AKAP12: variants seen among roughly 807,000 people sequenced by gnomAD.
AKAP12 encodes A-kinase anchoring protein 12, also known as A-kinase anchor protein 12.
AKAP12 carries 32 observed loss-of-function variants against 79.9 expected under a neutral mutation model. The observed-to-expected ratio is 0.40, with a 90% CI of 0.30 to 0.54. The LOEUF (loss-of-function observed/expected upper bound fraction) is 0.54. AKAP12 is among the 20% of genes least tolerant of loss of function. The pLI is 0.48. For missense variants in AKAP12, 2,074 were observed against 2,177.0 expected, an observed-to-expected ratio of 0.95 and a Z score of 0.94; for synonymous variants, 808 against 857.0, an observed-to-expected ratio of 0.94 and a Z score of 1.00.
rs541786278 is a variant in AKAP12 at position 151,324,871 on chromosome 6, T to A, written c.319+18968T>A. On this transcript the variant is annotated intron_variant, in intron 3 of 4. Transcript: ENST00000402676. ...AGAAAGAATTGAAGTATTCTAGGGC[T>A]GCCTGAAATCTTCTGAACTTTTAAC... The A allele has an allele frequency of 2.2e-5, 22 of 985,486 alleles. No individual in the cohort carries two copies. The South Asian group carries it at 8.0e-4, about 36-fold the overall frequency. The allele number at this position is 985,486 out of a possible 1,614,324, so 61.0% of individuals were successfully genotyped here. A position where few individuals can be genotyped will look rare whatever the true frequency, so the allele number is the denominator to read the frequency against.
In AKAP12 at chr6:151,350,482, T is replaced by C. The variant is rs758223454; in HGVS notation, c.2091T>C (p.Ser697=). The C allele has an allele frequency of 9.3e-6, 15 of 1,614,096 alleles. No individual in the cohort carries two copies. The highest frequency in any genetic ancestry group is 1.3e-5 in the Non-Finnish European group (15 of 1,180,010). Residue 697 remains serine, a synonymous_variant, in exon 4 of 5, where the codon TCT becomes TCC. Transcript: ENST00000402676. This position sits in a 1 kb window ranked among gnomAD's most constrained non-coding sequence, Gnocchi z 4.8. Reference sequence around the variant, plus strand: ...AGAAAAGAGCAAGGAGAGGGTCCTCTTCTGATGAGGAAGGGGGACCAAAAG... The same window carrying C: ...AGAAAAGAGCAAGGAGAGGGTCCTCCTCTGATGAGGAAGGGGGACCAAAAG... ...SSKKRARRGS[S]SDEEGGPKAM...
chr6:151,283,224 A>T (rs190875735), intron 2 of AKAP12, among the ~76,000 whole-genome samples: 1 of 152,348 alleles, frequency 6.6e-6, no homozygotes, highest in Admixed American at 6.5e-5. Flanking sequence ...AGCTCTTAGG[A>T]TATTGCATTA....
intron 3 of AKAP12, among the ~76,000 whole-genome samples, chr6:151,307,325 C>T (rs1351806019): frequency 2.0e-5 from 3 of 152,178 alleles, no homozygotes; most frequent in Admixed American, 2.0e-4. Flanking sequence ...AACCACTGTG[C>T]TCTCACTGTG....
chr6:151,322,536 A>G (rs1197566137), intron 3 of AKAP12, among the ~76,000 whole-genome samples: 2 of 152,216 alleles, frequency 1.3e-5, no homozygotes, highest in African/African-American at 2.4e-5. Context: ...ATGATTGCCC[A>G]AATGTCCTGC....
intron 3 of AKAP12, chr6:151,343,961 T>C (rs764215227): frequency 8.8e-6 from 4 of 454,590 alleles, no homozygotes; most frequent in East Asian, 6.7e-5. Flanking sequence ...GAAGAGTGTA[T>C]ATATCTAAAA....
chr6:151,268,685 C>T (rs922994568), intron 2 of AKAP12, among the ~76,000 whole-genome samples: 16 of 152,134 alleles, frequency 1.1e-4, no homozygotes, highest in African/African-American at 3.9e-4. Context: ...CTGTGTCACC[C>T]ACACTGGAGT....
intron 3 of AKAP12, among the ~76,000 whole-genome samples, chr6:151,310,921 A>G (rs1387554540): frequency 1.3e-5 from 2 of 152,200 alleles, no homozygotes; most frequent in Non-Finnish European, 2.9e-5. Context: ...TTCACAGGTC[A>G]CATTTGTTTC....
intron 3 of AKAP12, among the ~76,000 whole-genome samples, chr6:151,339,689 T>G (rs1250593213): frequency 6.6e-6 from 1 of 152,126 alleles, no homozygotes; most frequent in Non-Finnish European, 1.5e-5. Context: ...ACCATTACAG[T>G]GTCATGCAAA....
intron 2 of AKAP12, among the ~76,000 whole-genome samples, chr6:151,258,270 GGCAAA>G (rs1226351819): frequency 1.3e-5 from 2 of 152,288 alleles, no homozygotes; most frequent in East Asian, 3.9e-4. Flanking sequence ...TTCTTCCTCT[GGCAAA>G]TACAAGTAAA....
intron 2 of AKAP12, among the ~76,000 whole-genome samples, chr6:151,284,747 C>T (rs1776467226): frequency 6.6e-6 from 1 of 152,194 alleles, no homozygotes; most frequent in Non-Finnish European, 1.5e-5. Context: ...TTTTCTGGTA[C>T]ACTTTCTCTT....
At chr6:151,284,779 C>T (rs1776468073) in intron 2 of AKAP12, among the ~76,000 whole-genome samples, 1 of 152,108 alleles carries the variant, frequency 6.6e-6, no homozygotes, top group Admixed American at 6.5e-5. Context: ...TGAAAGAGAC[C>T]CCTCCCTGTT....
At position 151,352,613 on chromosome 6, in the gene AKAP12, A is replaced by G. The variant is rs765896267; in HGVS notation, c.4222A>G (p.Thr1408Ala). Reference sequence around the variant, plus strand: ...CCTAGGTCAAGAGGAGGCAGTATGCACCAAAATTCAAGTTCAGAGCTCTGA... The same window carrying G: ...CCTAGGTCAAGAGGAGGCAGTATGCGCCAAAATTCAAGTTCAGAGCTCTGA... Reference protein sequence around the residue: ...PCLGQEEAVCTKIQVQSSEAS... With the variant: ...PCLGQEEAVCAKIQVQSSEAS... The change falls in exon 4 of 5, where the codon ACC becomes GCC. Residue 1408 changes from threonine to alanine, a missense_variant. Around this residue, in one of 3 missense-constraint regions of AKAP12, gnomAD observed 614 missense variants for 665.6 expected, o/e 0.92. Coordinates refer to ENST00000402676, the MANE Select transcript of AKAP12 (RefSeq NM_005100.4). The G allele has an allele frequency of 6.2e-7, 1 of 1,614,192 alleles. No homozygotes were observed. Among genetic ancestry groups the G allele is most frequent in the South Asian group, 1.1e-5 (1 of 91,076 alleles).
intron 2 of AKAP12, among the ~76,000 whole-genome samples, chr6:151,259,511 T>TACACACACACAC (rs373506742): frequency 4.0e-5 from 4 of 101,122 alleles, no homozygotes; most frequent in Admixed American, 1.2e-4. Flanking sequence ...TATATATATA[T>TACACACACACAC]ACACACACAC....
intron 3 of AKAP12, among the ~76,000 whole-genome samples, chr6:151,345,099 A>G (rs926453194): frequency 1.3e-5 from 2 of 151,358 alleles, no homozygotes; most frequent in African/African-American, 4.9e-5. Context: ...TGGGGGGGAC[A>G]GAGTCTTGCT....
chr6:151,267,887 A>C (rs1042210499), intron 2 of AKAP12, among the ~76,000 whole-genome samples: 2 of 152,178 alleles, frequency 1.3e-5, no homozygotes, highest in African/African-American at 4.8e-5. Flanking sequence ...CGGGAGACAG[A>C]CATCGTTCCT....
intron 3 of AKAP12, among the ~76,000 whole-genome samples, chr6:151,313,610 A>G (rs1324524923): frequency 2.0e-5 from 3 of 152,194 alleles, no homozygotes; most frequent in Admixed American, 1.3e-4. Flanking sequence ...AGCAGTCAAG[A>G]TGTTTTTCTC....
At position 151,349,766 on chromosome 6, in the gene AKAP12, C is replaced by A. The variant is rs771228267; in HGVS notation, c.1375C>A (p.Pro459Thr). ...EMDAEPQEAE[P>T]AKELVKLKET... ...GGATGCAGAACCTCAGGAAGCTGAACCTGCCAAGGAGCTGGTGAAGCTCAA... is the reference window on the plus strand; with the variant it reads ...GGATGCAGAACCTCAGGAAGCTGAAACTGCCAAGGAGCTGGTGAAGCTCAA... Residue 459 changes from proline to threonine, a missense_variant, in exon 4 of 5, where the codon CCT becomes ACT. Transcript: ENST00000402676. 4 of 1,614,076 alleles carry A rather than the reference C, an allele frequency of 2.5e-6. No homozygotes were observed. The highest frequency in any genetic ancestry group is 3.4e-6 in the Non-Finnish European group (4 of 1,180,000).
chr6:151,245,656 CAA>C (rs10700236), intron 2 of AKAP12, among the ~76,000 whole-genome samples: 4,762 of 98,986 alleles, frequency 0.048, 95 homozygotes, highest in Non-Finnish European at 0.061. Context: ...GACTCCGTCT[CAA>C]AAAAAAAAAA....
rs1778334771 is a variant in AKAP12 at position 151,352,849 on chromosome 6, G to A, written c.4458G>A (p.Val1486=). ...GPDCQAKSTP[V]IVSATTKKGL... is the part of the protein sequence containing the mutation. ...ACTGTCAGGCAAAATCGACACCAGT[G>A]ATAGTATCTGCTACTACCAAGAAAG... The change falls in exon 4 of 5, where the codon GTG becomes GTA. Residue 1486 remains valine (V), a synonymous_variant. Transcript: ENST00000402676. The A allele has an allele frequency of 6.2e-7, 1 of 1,614,106 alleles. No homozygotes were observed. Among genetic ancestry groups the A allele is most frequent in the Non-Finnish European group, 8.5e-7 (1 of 1,180,050 alleles).
Sources: allele counts gnomAD v4.1 joint callset (sites outside exome capture counted in the v4.1 genomes callset), GRCh38; gene constraint gnomAD v4.1.1; regional missense constraint gnomAD v4.1.1; non-coding constraint Gnocchi (gnomAD v3.1); transcripts MANE v1.5; gene names NCBI Gene and HGNC (gene_info 2026-07-23, HGNC 2026-07-21).